IGSF21: variants seen among roughly 807,000 people sequenced by gnomAD.
IGSF21 encodes the protein immunoglobulin superfamily member 21.
A neutral mutation model predicts 46.8 loss-of-function variants in IGSF21; 28 were observed. That is an observed-to-expected ratio of 0.60 (90% confidence interval 0.44 to 0.82). The LOEUF is 0.82. Ranked by LOEUF, IGSF21 falls within the 40% of genes least tolerant of loss-of-function variation. IGSF21 has a pLI of 0.00. For synonymous variants in IGSF21, 284 were observed against 273.6 expected (o/e 1.04, Z -0.38); for missense variants, 624 against 665.5 (o/e 0.94, Z 0.69).
intron 1 of IGSF21, among the ~76,000 whole-genome samples, chr1:18,117,428 A>G (rs914647291): frequency 1.3e-5 from 2 of 152,224 alleles, no homozygotes; most frequent in Admixed American, 6.5e-5. Context: ...TTTGTAGTCT[A>G]ACCAGCTTTC....
At chr1:18,318,489 TGC>T (rs749217326) in intron 3 of IGSF21, among the ~76,000 whole-genome samples, 2 of 148,800 alleles carry the variant, frequency 1.3e-5, no homozygotes, top group South Asian at 2.1e-4. Context: ...TGTGTGTGTG[TGC>T]GTGCGTTTGG....
intron 4 of IGSF21, among the ~76,000 whole-genome samples, chr1:18,340,251 CACAG>C (rs1313433303): frequency 1.3e-5 from 2 of 151,680 alleles, no homozygotes; most frequent in Non-Finnish European, 2.9e-5. Flanking sequence ...AACTGGTCCT[CACAG>C]ACAGTGCAAT....
At chr1:18,211,684 T>A (rs142210717) in intron 1 of IGSF21, among the ~76,000 whole-genome samples, 1 of 152,368 alleles carries the variant, frequency 6.6e-6, no homozygotes, top group African/African-American at 2.4e-5. Context: ...TTAAGTTGCC[T>A]CTTTTCACTT....
Position 18,199,303 on chromosome 1 carries a change from G to A in IGSF21, c.71-28595G>A, listed in dbSNP as rs369984124. ...GTTTCGACCTCTCCCAGCCTCTATC[G>A]CATCATCTGTAAAATGAGGATAGTG... On this transcript the variant is annotated intron_variant, in intron 1 of 9. Transcript: ENST00000251296. Among the ~76,000 whole-genome samples, 55 of 152,186 alleles carry A rather than the reference G, an allele frequency of 3.6e-4. No homozygotes were observed. The East Asian group carries it at 4.1e-3, about 11-fold the overall frequency.
chr1:18,323,366 C>T (rs368480817), intron 3 of IGSF21, among the ~76,000 whole-genome samples: 9 of 152,162 alleles, frequency 5.9e-5, no homozygotes, highest in African/African-American at 2.2e-4. Flanking sequence ...CCTGAGGTCA[C>T]ACAGTCCTGG....
chr1:18,117,357 A>G (rs4920431), intron 1 of IGSF21, among the ~76,000 whole-genome samples: 254 of 152,274 alleles, frequency 1.7e-3, no homozygotes, highest in Admixed American at 4.4e-3. Flanking sequence ...TTGACCCAAG[A>G]GTGAAGGGAG....
chr1:18,224,343 C>T (rs1913592), intron 1 of IGSF21, among the ~76,000 whole-genome samples: 90,926 of 151,892 alleles, frequency 0.6, 27,644 homozygotes, highest in Non-Finnish European at 0.65. Flanking sequence ...ATGTCTTCTG[C>T]CTGGAATGCT....
intron 1 of IGSF21, among the ~76,000 whole-genome samples, chr1:18,188,928 G>T (rs1292661442): frequency 6.6e-6 from 1 of 152,254 alleles, no homozygotes; most frequent in African/African-American, 2.4e-5. Context: ...CTAGGGCAGT[G>T]TGGCTCCCAC....
chr1:18,170,615 G>A (rs939332334), intron 1 of IGSF21, among the ~76,000 whole-genome samples: 4 of 151,932 alleles, frequency 2.6e-5, no homozygotes, highest in African/African-American at 9.7e-5. Flanking sequence ...TCTTACAGAT[G>A]GAGGAAGTAA....
chr1:18,173,785 A>T (rs2086766005), intron 1 of IGSF21, among the ~76,000 whole-genome samples: 1 of 152,156 alleles, frequency 6.6e-6, no homozygotes, highest in South Asian at 2.1e-4. Flanking sequence ...ACGGAGTCTC[A>T]CTCTATCGCC....
intron 1 of IGSF21, among the ~76,000 whole-genome samples, chr1:18,172,248 A>G (rs2086743908): frequency 6.6e-6 from 1 of 152,226 alleles, no homozygotes; most frequent in African/African-American, 2.4e-5. Flanking sequence ...CCTGAGATGG[A>G]AGCATCTACC....
rs371910369 is a variant in IGSF21 at position 18,323,718 on chromosome 1, G to A, written c.306-11174G>A. 2.2e-4 allele frequency among the ~76,000 whole-genome samples: 33 copies of A among 152,186 alleles called. 2 individuals are homozygous for A. The highest frequency in any genetic ancestry group is 1.9e-3 in the Admixed American group (29 of 15,292). ...GTATTCTGGAACTTCTCCCCTCTGT[G>A]CCTACTTTCTTTGGTACCCCTCCTA... On this transcript the variant is annotated intron_variant, in intron 3 of 9. Transcript: ENST00000251296.
intron 1 of IGSF21, among the ~76,000 whole-genome samples, chr1:18,128,484 C>G (rs2086291948): frequency 6.6e-6 from 1 of 152,172 alleles, no homozygotes; most frequent in Non-Finnish European, 1.5e-5. Context: ...GACTCTGACC[C>G]CATTGCTGGG....
rs186696690 is a variant in IGSF21, at chr1:18,161,667, G to A, written c.70+53469G>A. Among the ~76,000 whole-genome samples, 213 of 152,230 alleles carry A rather than the reference G, an allele frequency of 1.4e-3. 2 individuals are homozygous for A. The highest frequency in any genetic ancestry group is 1.0e-2 in the South Asian group (48 of 4,810). On this transcript the variant is annotated intron_variant, in intron 1 of 9. Coordinates refer to ENST00000251296, the MANE Select transcript of IGSF21 (RefSeq NM_032880.5). ...TCAAAGGCGAGGAAAACTATGAAAC[G>A]GGGTTAAACAAACACATGTTTGAAA...
chr1:18,109,187 G>T lies in IGSF21; in HGVS notation c.70+989G>T, dbSNP rs761334485. On this transcript the variant is annotated intron_variant, in intron 1 of 9. Transcript: ENST00000251296. This position sits in a 1 kb window ranked among gnomAD's most constrained non-coding sequence, Gnocchi z 4.8. ...CTTAAATGGAGCTGAACCCTTTCGC[G>T]CAGTGAGCAGAGAGCCAACGTGAGG... Among the ~76,000 whole-genome samples, 1 of 151,946 alleles carries T rather than the reference G, an allele frequency of 6.6e-6. No individual in the cohort carries two copies. Among genetic ancestry groups the T allele is most frequent in the East Asian group, 2.0e-4 (1 of 5,124 alleles).
intron 1 of IGSF21, among the ~76,000 whole-genome samples, chr1:18,157,670 A>G (rs1006089304): frequency 9.2e-5 from 14 of 152,212 alleles, no homozygotes; most frequent in Non-Finnish European, 2.1e-4. Flanking sequence ...AGCTGCAGCC[A>G]CTAATGGGAT....
chr1:18,161,377 T>C (rs1169643532), intron 1 of IGSF21, among the ~76,000 whole-genome samples: 1 of 152,076 alleles, frequency 6.6e-6, no homozygotes, highest in South Asian at 2.1e-4. Flanking sequence ...CCCTTGGAGA[T>C]AGGTCACCAG....
intron 1 of IGSF21, among the ~76,000 whole-genome samples, chr1:18,189,341 A>G (rs964708752): frequency 5.9e-5 from 9 of 152,120 alleles, no homozygotes; most frequent in African/African-American, 2.2e-4. Flanking sequence ...TGAGCTGGAC[A>G]TTGTGCTGGG....
intron 3 of IGSF21, among the ~76,000 whole-genome samples, chr1:18,320,824 G>A (rs2085593799): frequency 6.6e-6 from 1 of 152,208 alleles, no homozygotes; most frequent in Non-Finnish European, 1.5e-5. Flanking sequence ...AATCTGTTCA[G>A]TGAGGTTTAT....
Sources: gnomAD v4.1 joint callset for allele counts (sites outside exome capture counted in the v4.1 genomes callset) on GRCh38, gnomAD v4.1.1 for gene constraint, Gnocchi (gnomAD v3.1) non-coding constraint, MANE v1.5 for transcripts, NCBI Gene and HGNC (gene_info 2026-07-23, HGNC 2026-07-21) for gene names.